ZMYM2: variants seen among roughly 807,000 people sequenced by gnomAD.
ZMYM2 encodes the protein zinc finger MYM-type containing 2.
Under a neutral mutation model 162.8 loss-of-function variants are expected in ZMYM2, and 56 were observed. The ratio of observed to expected loss-of-function variants is 0.34; its 90% CI spans 0.28 to 0.43. The LOEUF is 0.43. ZMYM2 is among the 20% of genes least tolerant of loss of function. The pLI, the probability that ZMYM2 is intolerant of heterozygous loss-of-function variation, is 1.00. For synonymous variants in ZMYM2, 510 were observed against 541.6 expected (o/e 0.94, Z 0.81); for missense variants, 1,275 against 1,621.8 (o/e 0.79, Z 3.67).
intron 2 of ZMYM2, among the ~76,000 whole-genome samples, chr13:19,972,861 G>A (rs749223335): frequency 1.3e-5 from 2 of 151,264 alleles, no homozygotes; most frequent in South Asian, 4.2e-4. Flanking sequence ...TCCCTCTGAA[G>A]TACAAGTATC....
At chr13:20,053,322 C>T (rs1955523961) in intron 14 of ZMYM2, among the ~76,000 whole-genome samples, 1 of 152,206 alleles carries the variant, frequency 6.6e-6, no homozygotes, top group South Asian at 2.1e-4. Context: ...GGCAACTTTT[C>T]AAAACCTTCC....
chr13:19,983,094 T>C (rs1206617916), intron 2 of ZMYM2, among the ~76,000 whole-genome samples: 2 of 152,174 alleles, frequency 1.3e-5, no homozygotes, highest in East Asian at 3.8e-4. Flanking sequence ...ATCTTCCGGG[T>C]CTTTGGGGGT....
At chr13:19,909,954 G>A in the ZMYM2 span, among the ~76,000 whole-genome samples, 2 of 151,618 alleles carry the variant, frequency 1.3e-5, no homozygotes, top group Admixed American at 6.6e-5. Flanking sequence ...GGTGGCTCAC[G>A]CCTGTAATCC....
chr13:20,007,349 C>G (rs1164545241), intron 6 of ZMYM2, among the ~76,000 whole-genome samples: 1 of 151,982 alleles, frequency 6.6e-6, no homozygotes, highest in Non-Finnish European at 1.5e-5. Flanking sequence ...GTTAGCCAGG[C>G]TGGTCTCGAA....
At chr13:20,064,191 T>C (rs1024913032) in intron 18 of ZMYM2, among the ~76,000 whole-genome samples, 1 of 152,010 alleles carries the variant, frequency 6.6e-6, no homozygotes, top group African/African-American at 2.4e-5. Context: ...TTTCAGACTA[T>C]AATAATTTTT....
chr13:19,940,751 T>C, the ZMYM2 span, among the ~76,000 whole-genome samples: 1 of 152,158 alleles, frequency 6.6e-6, no homozygotes, highest in Non-Finnish European at 1.5e-5. Context: ...GGGATGAAAA[T>C]GTATATTTTT....
intron 20 of ZMYM2, 35 bp from the exon 21 acceptor site, chr13:20,067,201 AAAT>A (rs2140887408): frequency 6.7e-7 from 1 of 1,498,500 alleles, no homozygotes; most frequent in Non-Finnish European, 9.0e-7. Context: ...ATAAGACGCT[AAAT>A]AATAACAATT....
At chr13:20,026,482 C>A in intron 7 of ZMYM2, 130 bp from the exon 8 acceptor site, 1 of 834,628 alleles carries the variant, frequency 1.2e-6, no homozygotes, top group African/African-American at 1.7e-5. Flanking sequence ...GATGAAGACT[C>A]ATGACTCTAA....
Position 20,088,263 on chromosome 13 carries a change from C to T in ZMYM2, c.*2249C>T, listed in dbSNP as rs1209991539. ...TGAGAATTGTTTGTTCTGTGAAACT[C>T]ACTTCACCTAGAACACATTTCATTG... On this transcript the variant is annotated 3_prime_UTR_variant, in exon 25 of 25. Transcript: ENST00000610343. 2 of 208,404 alleles carry T rather than the reference C, an allele frequency of 9.6e-6. No homozygotes were observed. The highest frequency in any genetic ancestry group is 4.5e-5 in the African/African-American group (2 of 43,996). The allele number at this position is 208,404 out of a possible 1,614,324, so 12.9% of individuals were successfully genotyped here.
At position 20,027,310 on chromosome 13, in the gene ZMYM2, A is replaced by C; in HGVS notation, c.1843A>C (p.Lys615Gln). The change falls in exon 9 of 25, where the codon AAA becomes CAA. Residue 615 changes from lysine to glutamine, a missense_variant. Around this residue, in one of 10 missense-constraint regions of ZMYM2, gnomAD observed 276 missense variants for 311.8 expected, o/e 0.89. Coordinates refer to ENST00000610343, the MANE Select transcript of ZMYM2 (RefSeq NM_197968.4). ...CTTTTGCAATTCCAGTTGTGTGGCTAAATTTCAGGTTTGTCGTTTATTTTG... is the reference window on the plus strand; with the variant it reads ...CTTTTGCAATTCCAGTTGTGTGGCTCAATTTCAGGTTTGTCGTTTATTTTG... ...YNFCNSSCVAKFQALSMQSSP... is the reference protein window; with the variant it reads ...YNFCNSSCVAQFQALSMQSSP... The C allele has an allele frequency of 6.4e-7, 1 of 1,564,576 alleles. No individual in the cohort carries two copies. The highest frequency in any genetic ancestry group is 8.7e-7 in the Non-Finnish European group (1 of 1,152,746).
rs1289432878 is a variant in ZMYM2, at chr13:20,058,649, A to G, written c.2568A>G (p.Thr856=). 4.3e-6 allele frequency: 7 copies of G among 1,613,862 alleles called. No individual in the cohort carries two copies. The highest frequency in any genetic ancestry group is 5.9e-6 in the Non-Finnish European group (7 of 1,179,806). The change falls in exon 15 of 25, where the codon ACA becomes ACG. Residue 856 remains threonine (T), a synonymous_variant. Coordinates refer to ENST00000610343, the MANE Select transcript of ZMYM2 (RefSeq NM_197968.4). ...KNKAVLCKPL[T]MTKATYCKPH... The stretch of plus-strand genomic sequence containing the variant: ...AAGCAGTTCTTTGCAAACCTTTAAC[A>G]ATGACAAAAGCTACTTACTGTAAAC...
chr13:20,005,293 C>T (rs1462968743), intron 5 of ZMYM2, 54 bp downstream of exon 5: 1 of 1,324,360 alleles, frequency 7.6e-7, no homozygotes, highest in Non-Finnish European at 1.0e-6. Flanking sequence ...ATATTTTAAA[C>T]TTCATTTAAG....
intron 21 of ZMYM2, among the ~76,000 whole-genome samples, chr13:20,067,922 A>G (rs1232840015): frequency 3.9e-5 from 6 of 152,180 alleles, no homozygotes; most frequent in East Asian, 1.9e-4. Flanking sequence ...TTGACATTCT[A>G]TGTATTTTGA....
At position 19,985,231 on chromosome 13, in the gene ZMYM2, C is replaced by A. The variant is rs945460900; in HGVS notation, c.-10-7832C>A. Among the ~76,000 whole-genome samples the A allele has an allele frequency of 3.1e-4, 47 of 152,114 alleles. 2 individuals carry two copies. Among genetic ancestry groups the A allele is most frequent in the Admixed American group, 3.1e-3 (47 of 15,256 alleles). On this transcript the variant is annotated intron_variant, in intron 2 of 24. Coordinates refer to ENST00000610343, the MANE Select transcript of ZMYM2 (RefSeq NM_197968.4). ...CTCTGCTTCCCTGGCTCAAGCGATCCTCCCACCTCAGCCCCCGAAGTAGCT... is the reference window on the plus strand; with the variant it reads ...CTCTGCTTCCCTGGCTCAAGCGATCATCCCACCTCAGCCCCCGAAGTAGCT...
At chr13:20,072,566 A>G (rs1444998126) in intron 21 of ZMYM2, among the ~76,000 whole-genome samples, 1 of 152,172 alleles carries the variant, frequency 6.6e-6, no homozygotes, top group Non-Finnish European at 1.5e-5. Flanking sequence ...GAGTTGGGAA[A>G]TATTCCTTCC....
intron 23 of ZMYM2, 54 bp from the exon 24 acceptor site, chr13:20,083,602 T>C: frequency 1.5e-6 from 2 of 1,361,174 alleles, no homozygotes; most frequent in Non-Finnish European, 2.0e-6. Context: ...GAGTGATGTT[T>C]ATATCTTTCT....
chr13:20,038,880 A>C (rs1215135165), intron 12 of ZMYM2, among the ~76,000 whole-genome samples: 2 of 151,594 alleles, frequency 1.3e-5, no homozygotes, highest in Non-Finnish European at 2.9e-5. Context: ...CAGTATGGCT[A>C]TGTTAATGAT....
chr13:19,884,646 T>C, the ZMYM2 span, among the ~76,000 whole-genome samples: 1 of 152,042 alleles, frequency 6.6e-6, no homozygotes, highest in African/African-American at 2.4e-5. Flanking sequence ...CTTAGTTTGG[T>C]CCTTCCGGTG....
chr13:20,082,608 G>A (rs902720753), intron 22 of ZMYM2, among the ~76,000 whole-genome samples, 173 bp from the exon 23 acceptor site: 11 of 152,080 alleles, frequency 7.2e-5, no homozygotes, highest in Non-Finnish European at 1.5e-4. Flanking sequence ...TTCCATAGTA[G>A]CCTCTGTATT....
Sources: allele counts gnomAD v4.1 joint callset (sites outside exome capture counted in the v4.1 genomes callset), GRCh38; gene constraint gnomAD v4.1.1; regional missense constraint gnomAD v4.1.1; transcripts MANE v1.5; gene names NCBI Gene and HGNC (gene_info 2026-07-23, HGNC 2026-07-21).